MOCS1: variants seen among roughly 807,000 people sequenced by gnomAD.
The protein encoded by MOCS1 is molybdenum cofactor synthesis 1, also known as molybdenum cofactor biosynthesis protein 1.
Under a neutral mutation model 57.6 loss-of-function variants are expected in MOCS1, and 39 were observed. That is an observed-to-expected ratio of 0.68 (90% CI 0.52 to 0.88). MOCS1 has a LOEUF of 0.88. MOCS1 is among the 40% of genes least tolerant of loss of function. MOCS1 has a pLI of 0.00. For missense variants in MOCS1, 795 were observed against 831.1 expected, an observed-to-expected ratio of 0.96 and a Z score of 0.53; for synonymous variants, 334 against 335.7, an observed-to-expected ratio of 1.00 and a Z score of 0.05.
chr6:39,909,687 C>G (rs1767199386), intron 9 of MOCS1, 148 bp downstream of exon 9: 1 of 1,098,028 alleles, frequency 9.1e-7, no homozygotes, highest in African/African-American at 1.5e-5. Flanking sequence ...AGAGGGCCAA[C>G]AGCAGTGAGT....
rs1767003395 is a variant in MOCS1 at position 39,907,042 on chromosome 6, C to T, written c.1226G>A (p.Gly409Asp). Residue 409 changes from glycine to aspartate, a missense_variant, in exon 11 of 11, where the codon GGT becomes GAT. Transcript: ENST00000340692. ...IFSWDPLHVQGLRPRMSFSSQ... is the reference protein window; with the variant it reads ...IFSWDPLHVQDLRPRMSFSSQ... ...GGAGAAACTCATTCTGGGTCTTAGA[C>T]CCTGAACATGGAGCGGGTCCCAGGA... is the stretch of plus-strand genomic sequence containing the variant. 5 of 1,613,676 alleles carry T rather than the reference C, an allele frequency of 3.1e-6. No homozygotes were observed. Among genetic ancestry groups the T allele is most frequent in the Non-Finnish European group, 3.4e-6 (4 of 1,179,724 alleles).
intron 5 of MOCS1, 23 bp from the exon 6 acceptor site, chr6:39,913,451 A>G: frequency 1.3e-6 from 2 of 1,598,904 alleles, no homozygotes; most frequent in East Asian, 4.5e-5. Context: ...CAATGGGACC[A>G]TGAGGGCTGT....
chr6:39,934,069 T>TG (rs1554192750), intron 1 of MOCS1, among the ~76,000 whole-genome samples: 1 of 152,028 alleles, frequency 6.6e-6, no homozygotes, highest in Admixed American at 6.5e-5. Flanking sequence ...GTGGCGTGGC[T>TG]GGGGGGCAGG....
intron 2 of MOCS1, chr6:39,927,109 T>C (rs1768360547): frequency 5.3e-6 from 3 of 563,740 alleles, no homozygotes; most frequent in Non-Finnish European, 9.5e-6. Context: ...TGTTTTCAAA[T>C]CTAATTCCAA....
rs201401154 is a variant in MOCS1 at position 39,905,839 on chromosome 6, G to A, written c.*518C>T. On this transcript the variant is annotated 3_prime_UTR_variant, in exon 11 of 11. Transcript: ENST00000340692. Reference sequence around the variant, plus strand: ...TGAAGTCAGGACAGGACAGGACAGGGCAGGGCTGCGGCTTCACAGACTTAG... The same window carrying A: ...TGAAGTCAGGACAGGACAGGACAGGACAGGGCTGCGGCTTCACAGACTTAG... The A allele has an allele frequency of 6.5e-6, 3 of 464,352 alleles. No homozygotes were observed. Among genetic ancestry groups the A allele is most frequent in the South Asian group, 4.8e-5 (3 of 62,440 alleles). The allele number at this position is 464,352 out of a possible 1,614,324, so 28.8% of individuals were successfully genotyped here.
At chr6:39,925,953 A>G (rs1411812289) in intron 2 of MOCS1, 108 bp from the exon 3 acceptor site, 2 of 1,253,378 alleles carry the variant, frequency 1.6e-6, no homozygotes, top group Admixed American at 2.4e-5. Flanking sequence ...TCTCAAACCC[A>G]TCTGGATGTG....
chr6:39,922,871 T>G (rs530271478), intron 3 of MOCS1, among the ~76,000 whole-genome samples: 72 of 152,308 alleles, frequency 4.7e-4, no homozygotes, highest in African/African-American at 1.7e-3. Context: ...TAGGCACAAG[T>G]GTTCGTGAAC....
At chr6:39,923,551 G>C (rs866966146) in intron 3 of MOCS1, among the ~76,000 whole-genome samples, 23 of 152,280 alleles carry the variant, frequency 1.5e-4, no homozygotes, top group South Asian at 4.1e-4. Context: ...GCGGGTGCCA[G>C]GGAGAGGAAG....
intron 8 of MOCS1, among the ~76,000 whole-genome samples, chr6:39,910,606 C>T (rs1185191627): frequency 6.6e-6 from 1 of 152,208 alleles, no homozygotes; most frequent in Non-Finnish European, 1.5e-5. Flanking sequence ...CTACTCTGTG[C>T]CAGCTCTGCA....
intron 3 of MOCS1, among the ~76,000 whole-genome samples, chr6:39,922,709 C>T (rs925619724): frequency 2.6e-5 from 4 of 152,170 alleles, no homozygotes; most frequent in East Asian, 1.9e-4. Context: ...AAACCCTTCC[C>T]GTGGGGTGTT....
intron 4 of MOCS1, 73 bp from the exon 5 acceptor site, chr6:39,913,908 C>A (rs1476704456): frequency 6.9e-7 from 1 of 1,455,586 alleles, no homozygotes; most frequent in East Asian, 2.3e-5. Flanking sequence ...CAGAAAAGCA[C>A]CAGAGCCCAT....
chr6:39,924,938 G>A (rs900863497), intron 3 of MOCS1, among the ~76,000 whole-genome samples: 1 of 152,084 alleles, frequency 6.6e-6, no homozygotes, highest in Non-Finnish European at 1.5e-5. Context: ...AAATTAGCCA[G>A]GCATAGCGGT....
At chr6:39,931,218 G>A (rs1768626010) in intron 1 of MOCS1, among the ~76,000 whole-genome samples, 1 of 152,130 alleles carries the variant, frequency 6.6e-6, no homozygotes, top group South Asian at 2.1e-4. Flanking sequence ...AAGGGGGTGG[G>A]GAAGGGTGGG....
chr6:39,933,754 AG>A (rs1317282593), intron 1 of MOCS1, among the ~76,000 whole-genome samples: 1 of 152,116 alleles, frequency 6.6e-6, no homozygotes, highest in Admixed American at 6.5e-5. Context: ...CTCTAGGATA[AG>A]GCTGAACCCT....
intron 4 of MOCS1, among the ~76,000 whole-genome samples, 184 bp downstream of exon 4, chr6:39,915,884 T>C (rs986571055): frequency 3.9e-5 from 6 of 152,090 alleles, no homozygotes; most frequent in African/African-American, 1.4e-4. Flanking sequence ...GTCATTAGCG[T>C]CTGACCCCCA....
chr6:39,927,586 C>T (rs759951816), intron 1 of MOCS1, 131 bp from the exon 2 acceptor site: 1 of 1,607,398 alleles, frequency 6.2e-7, no homozygotes, highest in Non-Finnish European at 8.5e-7. Flanking sequence ...CATGTTTGGG[C>T]TCTGCAATGT....
Position 39,904,701 on chromosome 6 carries a change from C to T in MOCS1, c.*1656G>A, listed in dbSNP as rs1390251007. ...CTGGGGAACTGTGACTATCTATCTC[C>T]CCCGACTTCTACCAGGGATGCCTTC... On this transcript the variant is annotated 3_prime_UTR_variant, in exon 11 of 11. Transcript: ENST00000340692. The T allele has an allele frequency of 2.2e-6, 1 of 454,072 alleles. No homozygotes were observed. The highest frequency in any genetic ancestry group is 4.4e-6 in the Non-Finnish European group (1 of 226,774). 28.1% of individuals were successfully genotyped at this position (454,072 alleles called of 1,614,324 possible).
chr6:39,923,020 T>C (rs1768062210), intron 3 of MOCS1, among the ~76,000 whole-genome samples: 2 of 152,088 alleles, frequency 1.3e-5, no homozygotes, highest in Admixed American at 6.5e-5. Context: ...CTGAGGGATG[T>C]CAGAGTGCTC....
chr6:39,927,764 A>G, intron 1 of MOCS1: 1 of 1,480,066 alleles, frequency 6.8e-7, no homozygotes, highest in Non-Finnish European at 9.0e-7. Flanking sequence ...ATTAGCCCTT[A>G]TTCTTCACTC....
Sources: allele counts gnomAD v4.1 joint callset (sites outside exome capture counted in the v4.1 genomes callset), GRCh38; gene constraint gnomAD v4.1.1; transcripts MANE v1.5; gene names NCBI Gene and HGNC (gene_info 2026-07-23, HGNC 2026-07-21).